Variants in CPNE9 observed in about 807,000 individuals in gnomAD.
CPNE9 encodes copine family member 9.
In CPNE9, 59 loss-of-function variants were observed where a neutral mutation model predicts 83.0. The ratio of observed to expected loss-of-function variants is 0.71; its 90% CI spans 0.58 to 0.88. CPNE9 has a LOEUF of 0.88. CPNE9 is among the 40% of genes least tolerant of loss of function. The probability of loss-of-function intolerance (pLI) is 0.00; values close to 1 mark genes in which losing one functional copy is unlikely to be tolerated. For missense variants in CPNE9, 619 were observed against 720.8 expected, an observed-to-expected ratio of 0.86 and a Z score of 1.62; for synonymous variants, 256 against 273.4, an observed-to-expected ratio of 0.94 and a Z score of 0.63.
intron 8 of CPNE9, 46 bp downstream of exon 8, chr3:9,712,650 C>T (rs187310): frequency 0.1 from 163,214 of 1,607,152 alleles, 8,831 homozygotes; most frequent in African/African-American, 0.16. Context: ...CTTCTCTCCC[C>T]GTAAACCCTT....
intron 11 of CPNE9, 68 bp downstream of exon 11, chr3:9,715,023 A>C: frequency 7.0e-7 from 1 of 1,434,318 alleles, no homozygotes; most frequent in Non-Finnish European, 9.7e-7. Context: ...TATGTTGTAC[A>C]TTCACTGAGA....
rs376465868 is a variant in CPNE9 at position 9,726,060 on chromosome 3, G to C, written c.1344+9G>C. On this transcript the variant is annotated intron_variant, in intron 18 of 20. Coordinates refer to ENST00000383832, the MANE Select transcript of CPNE9 (RefSeq NM_153635.3). ...AGGAGGCCATCGTCAGCGTGAGTCT[G>C]AGGAGGAGGGCTTGGCAGGGAGGAG... 51 of 1,561,706 alleles carry C rather than the reference G, an allele frequency of 3.3e-5. No homozygotes were observed. Among genetic ancestry groups the C allele is most frequent in the Non-Finnish European group, 6.1e-6 (7 of 1,144,522 alleles).
At position 9,716,551 on chromosome 3, in the gene CPNE9, A is replaced by C. The variant is rs578121238; in HGVS notation, c.885-507A>C. 1.1e-4 allele frequency among the ~76,000 whole-genome samples: 16 copies of C among 151,946 alleles called. No homozygotes were observed. In the South Asian group the frequency reaches 3.1e-3, roughly 30 times the overall value. On this transcript the variant is annotated intron_variant, in intron 14 of 20. Coordinates refer to ENST00000383832, the MANE Select transcript of CPNE9 (RefSeq NM_153635.3). ...AATGGTGCGATCTTGGCTCACTGCA[A>C]CCTCCGCCTCCCAGGTTCAAGCAAT... is the stretch of plus-strand genomic sequence containing the variant.
At chr3:9,718,244 C>T (rs752307526) in intron 16 of CPNE9, 34 bp downstream of exon 16, 11 of 1,562,540 alleles carry the variant, frequency 7.0e-6, no homozygotes, top group Non-Finnish European at 7.8e-6. Flanking sequence ...CCTCCGTGCC[C>T]TGGCATCTGG....
Position 9,726,661 on chromosome 3 carries a change from A to G in CPNE9, c.1345-4A>G, listed in dbSNP as rs746166387. 2 of 1,613,116 alleles carry G rather than the reference A, an allele frequency of 1.2e-6. No homozygotes were observed. The highest frequency in any genetic ancestry group is 1.1e-5 in the South Asian group (1 of 91,034). ...CCCAACAGTTCACCCTCTTTCCCCT[A>G]CAGGCCTCCTCATTGCCCATGTCTA... is the stretch of plus-strand genomic sequence containing the variant. On this transcript the variant is annotated splice_region_variant and splice_polypyrimidine_tract_variant and intron_variant, in intron 18 of 20. Transcript: ENST00000383832.
At chr3:9,726,548 G>A (rs974843719) in intron 18 of CPNE9, 117 bp from the exon 19 acceptor site, 1 of 743,902 alleles carries the variant, frequency 1.3e-6, no homozygotes, top group African/African-American at 1.7e-5. Context: ...AAATCAAGGT[G>A]CCTCTGCTTA....
At chr3:9,724,944 A>G (rs2076764627) in intron 17 of CPNE9, among the ~76,000 whole-genome samples, 1 of 151,912 alleles carries the variant, frequency 6.6e-6, no homozygotes. Flanking sequence ...TTTCATAGAG[A>G]CAGGGTTTCA....
chr3:9,704,334 G>C lies in CPNE9; in HGVS notation c.69-253G>C, dbSNP rs1218289860. Among the ~76,000 whole-genome samples the C allele has an allele frequency of 1.3e-5, 2 of 152,218 alleles. No homozygotes were observed. The highest frequency in any genetic ancestry group is 2.9e-5 in the Non-Finnish European group (2 of 68,040). On this transcript the variant is annotated intron_variant, in intron 1 of 20. Coordinates refer to ENST00000383832, the MANE Select transcript of CPNE9 (RefSeq NM_153635.3). The surrounding 1 kb of genome is among the most constrained non-coding windows in gnomAD (Gnocchi z 7.1). ...CGGCCCCAGGAGGACAAAGTTCTGG[G>C]GCGAGCCCTCTTTCCTGGGCCCTTG...
chr3:9,703,937 C>G lies in CPNE9; in HGVS notation c.-60C>G. 1 of 1,449,242 alleles carries G rather than the reference C, an allele frequency of 6.9e-7. No homozygotes were observed. 89.8% of individuals were successfully genotyped at this position (1,449,242 alleles called of 1,614,324 possible). Reference sequence around the variant, plus strand: ...TGGGCCGGCCCCGCCGCTGCCGTCGCCCCTAGCCCCAGCAGCCCTGGTCTC... The same window carrying G: ...TGGGCCGGCCCCGCCGCTGCCGTCGGCCCTAGCCCCAGCAGCCCTGGTCTC... On this transcript the variant is annotated 5_prime_UTR_variant, in exon 1 of 21. Transcript: ENST00000383832.
In CPNE9 at chr3:9,718,054, G is replaced by A; in HGVS notation, c.957G>A (p.Leu319=). 1 of 1,613,470 alleles carries A rather than the reference G, an allele frequency of 6.2e-7. No homozygotes were observed. The highest frequency in any genetic ancestry group is 1.1e-5 in the South Asian group (1 of 91,010). The change falls in exon 16 of 21, where the codon CTG becomes CTA. Residue 319 remains leucine, a synonymous_variant. Transcript: ENST00000383832. ...SNGNPLQPTS[L]HYMSPYQLSA... Reference sequence around the variant, plus strand: ...GGAATCCTCTGCAGCCTACCTCCCTGCACTACATGAGTCCCTACCAGCTCA... The same window carrying A: ...GGAATCCTCTGCAGCCTACCTCCCTACACTACATGAGTCCCTACCAGCTCA...
intron 17 of CPNE9, among the ~76,000 whole-genome samples, chr3:9,720,469 T>A (rs1026205866): frequency 2.0e-5 from 3 of 152,166 alleles, no homozygotes; most frequent in African/African-American, 7.2e-5. Flanking sequence ...GTTGTACAGA[T>A]TATTTCATCA....
intron 20 of CPNE9, chr3:9,727,439 C>G (rs2076794689): frequency 1.4e-6 from 1 of 717,404 alleles, no homozygotes; most frequent in Non-Finnish European, 2.6e-6. Flanking sequence ...AATAAATAAT[C>G]ACACAAAGAA....
chr3:9,715,510 A>G lies in CPNE9; in HGVS notation c.806A>G (p.Tyr269Cys). Residue 269 changes from tyrosine (Y) to cysteine (C), a missense_variant, in exon 13 of 21, where the codon TAT becomes TGT. This residue lies in a region of CPNE9 where 438 missense variants were observed against 562.9 expected (regional missense o/e 0.78). Transcript: ENST00000383832. ...NPRKKCKKKK[Y>C]VNSGTVTLLS... ...CGGAAGAAATGTAAGAAGAAGAAAT[A>G]TGTCAACTCAGGAACTGTGAGTGCT... 1 of 1,614,002 alleles carries G rather than the reference A, an allele frequency of 6.2e-7. No individual in the cohort carries two copies. The highest frequency in any genetic ancestry group is 1.1e-5 in the South Asian group (1 of 91,074).
chr3:9,709,721 C>T (rs988383452), intron 7 of CPNE9, among the ~76,000 whole-genome samples: 4 of 151,664 alleles, frequency 2.6e-5, no homozygotes, highest in Non-Finnish European at 5.9e-5. Flanking sequence ...ACCTGTAATC[C>T]GAGCACTTTA....
At position 9,708,693 on chromosome 3, in the gene CPNE9, G is replaced by GTGGT. The variant is rs1405903481; in HGVS notation, c.377+2630_377+2631insTGGT. Among the ~76,000 whole-genome samples, 137 of 131,670 alleles carry GTGGT rather than the reference G, an allele frequency of 1.0e-3. 2 individuals are homozygous for GTGGT. Among genetic ancestry groups the GTGGT allele is most frequent in the Non-Finnish European group, 2.8e-4 (18 of 63,400 alleles). The allele number at this position is 131,670 out of a possible 152,430, so 86.4% of individuals were successfully genotyped here. On this transcript the variant is annotated intron_variant, in intron 7 of 20. Transcript: ENST00000383832. ...CTGTCACCCAGCTGGAGTGCAGTGG[G>GTGGT]GAGATCTCGGCTCACTGCAAGCTCC... is the stretch of plus-strand genomic sequence containing the variant.
intron 19 of CPNE9, 108 bp downstream of exon 19, chr3:9,726,830 G>A (rs1575135490): frequency 1.0e-5 from 10 of 1,003,340 alleles, no homozygotes; most frequent in Admixed American, 5.7e-5. Context: ...AGACACCCCC[G>A]TGTGAAGCCT....
At chr3:9,713,473 T>C (rs2076649699) in intron 10 of CPNE9, among the ~76,000 whole-genome samples, 1 of 151,946 alleles carries the variant, frequency 6.6e-6, no homozygotes, top group African/African-American at 2.4e-5. Context: ...GAATGGATAA[T>C]TGGACTGATG....
Position 9,704,964 on chromosome 3 carries a change from T to G in CPNE9, c.230T>G (p.Phe77Cys). Residue 77 changes from phenylalanine to cysteine, a missense_variant, in exon 4 of 21, where the codon TTT (phenylalanine) becomes TGT (cysteine). Physicochemically the swap from Phe to Cys is radical, Grantham distance 205 (BLOSUM62 -2). Transcript: ENST00000383832. The surrounding 1 kb of genome is among the most constrained non-coding windows in gnomAD (Gnocchi z 7.1). The part of the protein sequence containing the change: ...FVRKFVLDYF[F>C]EEKQNLRFDV... ...CGCAAATTCGTCCTCGACTATTTCT[T>G]TGAGGAAAAGCAAAATCTGCGCTTC... The G allele has an allele frequency of 6.2e-7, 1 of 1,613,132 alleles. No homozygotes were observed. Among genetic ancestry groups the G allele is most frequent in the Non-Finnish European group, 8.5e-7 (1 of 1,179,814 alleles).
rs1207886483 is a variant in CPNE9 at position 9,704,314 on chromosome 3, C to A, written c.68+250C>A. On this transcript the variant is annotated intron_variant, in intron 1 of 20. Coordinates refer to ENST00000383832, the MANE Select transcript of CPNE9 (RefSeq NM_153635.3). The surrounding 1 kb of genome is among the most constrained non-coding windows in gnomAD (Gnocchi z 7.1). ...GCAGATATCCGGTAGGAGCTCGGCC[C>A]CAGGAGGACAAAGTTCTGGGGCGAG... 1.3e-5 allele frequency among the ~76,000 whole-genome samples: 2 copies of A among 152,208 alleles called. No individual in the cohort carries two copies. The highest frequency in any genetic ancestry group is 2.9e-5 in the Non-Finnish European group (2 of 68,036).
Sources: allele counts gnomAD v4.1 joint callset (sites outside exome capture counted in the v4.1 genomes callset), GRCh38; gene constraint gnomAD v4.1.1; regional missense constraint gnomAD v4.1.1; non-coding constraint Gnocchi (gnomAD v3.1); transcripts MANE v1.5; gene names NCBI Gene and HGNC (gene_info 2026-07-23, HGNC 2026-07-21).